Variants in RNF180 observed in about 807,000 individuals in gnomAD.
RNF180 encodes E3 ubiquitin-protein ligase RNF180.
RNF180 carries 38 observed loss-of-function variants against 59.2 expected under a neutral mutation model. That is an observed-to-expected ratio of 0.64 (90% CI 0.50 to 0.84). The LOEUF (loss-of-function observed/expected upper bound fraction) is 0.84. RNF180 is among the 40% of genes least tolerant of loss of function. RNF180 has a pLI of 0.00. For synonymous variants in RNF180, 262 were observed against 240.3 expected, an observed-to-expected ratio of 1.09 and a Z score of -0.84; for missense variants, 705 against 700.9, an observed-to-expected ratio of 1.01 and a Z score of -0.07.
chr5:64,314,237 C>A (rs1743924953), intron 5 of RNF180, among the ~76,000 whole-genome samples: 1 of 152,016 alleles, frequency 6.6e-6, no homozygotes, highest in African/African-American at 2.4e-5. Flanking sequence ...GGATGCTCAA[C>A]CTGTACTAAA....
At chr5:64,279,208 A>G (rs1741878662) in intron 5 of RNF180, among the ~76,000 whole-genome samples, 1 of 152,210 alleles carries the variant, frequency 6.6e-6, no homozygotes, top group South Asian at 2.1e-4. Flanking sequence ...TAACTTTAAG[A>G]GATTGGCCAA....
At chr5:64,249,787 A>G (rs1743443245) in intron 5 of RNF180, among the ~76,000 whole-genome samples, 1 of 152,208 alleles carries the variant, frequency 6.6e-6, no homozygotes, top group South Asian at 2.1e-4. Context: ...AGTTGTACAT[A>G]TATATGCACC....
At chr5:64,337,670 C>A (rs1185773881) in intron 7 of RNF180, among the ~76,000 whole-genome samples, 2 of 125,992 alleles carry the variant, frequency 1.6e-5, no homozygotes, top group Non-Finnish European at 3.2e-5. Flanking sequence ...CCCCACCCCA[C>A]AACAGTCCCC....
intron 5 of RNF180, among the ~76,000 whole-genome samples, chr5:64,284,010 G>C (rs976766740): frequency 6.6e-6 from 1 of 152,112 alleles, no homozygotes; most frequent in Non-Finnish European, 1.5e-5. Context: ...TCATTTTCAT[G>C]TTTAGCACTC....
chr5:64,276,185 G>T (rs745387584), intron 5 of RNF180, among the ~76,000 whole-genome samples: 1 of 152,004 alleles, frequency 6.6e-6, no homozygotes, highest in African/African-American at 2.4e-5. Flanking sequence ...AAAATCAAAG[G>T]CCAAAAATTT....
At chr5:64,245,977 A>G (rs1743129180) in intron 5 of RNF180, among the ~76,000 whole-genome samples, 1 of 152,230 alleles carries the variant, frequency 6.6e-6, no homozygotes, top group South Asian at 2.1e-4. Context: ...CCACACAACT[A>G]CATGGCAACT....
chr5:64,305,506 A>G (rs1743395295), intron 5 of RNF180, among the ~76,000 whole-genome samples: 1 of 151,200 alleles, frequency 6.6e-6, no homozygotes, highest in South Asian at 2.1e-4. Flanking sequence ...ATTTTGCTCT[A>G]TATCGTCTGC....
At chr5:64,272,771 T>G (rs1175721394) in intron 5 of RNF180, among the ~76,000 whole-genome samples, 4 of 151,974 alleles carry the variant, frequency 2.6e-5, no homozygotes, top group Non-Finnish European at 5.9e-5. Context: ...GGAAGAAATG[T>G]CAAGGATAAT....
At chr5:64,312,389 G>T (rs955185682) in intron 5 of RNF180, among the ~76,000 whole-genome samples, 1 of 152,010 alleles carries the variant, frequency 6.6e-6, no homozygotes, top group Non-Finnish European at 1.5e-5. Context: ...ATGCTGTATT[G>T]TCAGAGCCTG....
chr5:64,334,558 T>G lies in RNF180; in HGVS notation c.1579+4152T>G, dbSNP rs543577010. Among the ~76,000 whole-genome samples, 15 of 152,220 alleles carry G rather than the reference T, an allele frequency of 9.9e-5. No individual in the cohort carries two copies. The East Asian group carries it at 1.7e-3, about 18-fold the overall frequency. On this transcript the variant is annotated intron_variant, in intron 7 of 7. Transcript: ENST00000389100. ...AAGCACCTTCTGTAGTTCTTCTTTG[T>G]TTACCCTGATTCCCCTGAATTTTGT...
rs187079271 is a variant in RNF180 at position 64,186,533 on chromosome 5, C to A, written c.1-14275C>A. ...TCAACTGGCTTAGAACCCCTCTCAC[C>A]CTCTCATATGCTTTCATAGCACGTG... On this transcript the variant is annotated intron_variant, in intron 1 of 7. Coordinates refer to ENST00000389100, the MANE Select transcript of RNF180 (RefSeq NM_001113561.2). Among the ~76,000 whole-genome samples the A allele has an allele frequency of 1.2e-3, 180 of 152,052 alleles. 3 individuals carry two copies. The highest frequency in any genetic ancestry group is 0.011 in the Admixed American group (171 of 15,262).
At chr5:64,322,287 A>G (rs180783152) in intron 5 of RNF180, among the ~76,000 whole-genome samples, 3 of 152,280 alleles carry the variant, frequency 2.0e-5, no homozygotes, top group African/African-American at 7.2e-5. Flanking sequence ...TCCAGAATCT[A>G]TAAGAAACTT....
chr5:64,325,903 T>C (rs894641167), intron 6 of RNF180, among the ~76,000 whole-genome samples: 11 of 152,264 alleles, frequency 7.2e-5, no homozygotes, highest in Admixed American at 3.3e-4. Flanking sequence ...AAAAGTCAAA[T>C]TGGAGCAAGG....
chr5:64,301,779 G>A (rs1425686230), intron 5 of RNF180, among the ~76,000 whole-genome samples: 3 of 151,172 alleles, frequency 2.0e-5, no homozygotes, highest in Non-Finnish European at 4.4e-5. Context: ...AGTCATGGGA[G>A]CACCAAATGA....
At chr5:64,285,254 C>T (rs1742219702) in intron 5 of RNF180, among the ~76,000 whole-genome samples, 2 of 152,188 alleles carry the variant, frequency 1.3e-5, no homozygotes. Context: ...GTGCTGGCCA[C>T]AGTGCTTCAT....
At chr5:64,266,905 A>C (rs1184188873) in intron 5 of RNF180, among the ~76,000 whole-genome samples, 1 of 152,140 alleles carries the variant, frequency 6.6e-6, no homozygotes, top group Non-Finnish European at 1.5e-5. Flanking sequence ...ACTTATTTGC[A>C]AAACCTGTAC....
intron 5 of RNF180, among the ~76,000 whole-genome samples, chr5:64,259,197 G>A (rs943586837): frequency 6.6e-6 from 1 of 152,166 alleles, no homozygotes; most frequent in African/African-American, 2.4e-5. Flanking sequence ...TATAAGTGAT[G>A]TGCTGGGGAG....
chr5:64,243,539 C>T (rs965565809), intron 5 of RNF180, among the ~76,000 whole-genome samples: 2 of 152,208 alleles, frequency 1.3e-5, no homozygotes, highest in African/African-American at 4.8e-5. Context: ...CTCTAGATTC[C>T]TTCTCACTGG....
At chr5:64,329,412 A>T (rs1432370626) in intron 6 of RNF180, among the ~76,000 whole-genome samples, 2 of 150,478 alleles carry the variant, frequency 1.3e-5, no homozygotes, top group Non-Finnish European at 3.0e-5. Context: ...AAACTTTTCC[A>T]CCTCAGATTA....
Sources: allele counts gnomAD v4.1 joint callset (sites outside exome capture counted in the v4.1 genomes callset), GRCh38; gene constraint gnomAD v4.1.1; transcripts MANE v1.5; gene names NCBI Gene and HGNC (gene_info 2026-07-23, HGNC 2026-07-21).